The following MAP7 variants were observed in gnomAD, a reference collection of about 807,000 sequenced individuals.
MAP7 encodes the protein microtubule associated protein 7, also known as ensconsin.
A neutral mutation model predicts 94.8 loss-of-function variants in MAP7; 52 were observed. That is an observed-to-expected ratio of 0.55 (90% CI 0.44 to 0.69). The LOEUF (loss-of-function observed/expected upper bound fraction) is 0.69. Ranked by LOEUF, MAP7 falls within the 30% of genes least tolerant of loss-of-function variation. MAP7 has a pLI of 0.00. For missense variants in MAP7, 940 were observed against 964.6 expected (o/e 0.97, Z 0.34); for synonymous variants, 350 against 357.0 (o/e 0.98, Z 0.22).
intron 3 of MAP7, among the ~76,000 whole-genome samples, chr6:136,411,088 T>C (rs1787297820): frequency 6.6e-6 from 1 of 152,224 alleles, no homozygotes; most frequent in Non-Finnish European, 1.5e-5. Context: ...TCTCAGCTTC[T>C]GCTAAGATAG....
chr6:136,497,218 T>C (rs1278614976), intron 1 of MAP7, among the ~76,000 whole-genome samples: 3 of 151,984 alleles, frequency 2.0e-5, no homozygotes, highest in Admixed American at 2.0e-4. Flanking sequence ...GACTGGCTTA[T>C]TTAGGAACCC....
intron 1 of MAP7, among the ~76,000 whole-genome samples, chr6:136,433,134 GA>G (rs200659474): frequency 1.3e-5 from 2 of 151,736 alleles, no homozygotes; most frequent in Non-Finnish European, 2.9e-5. Context: ...CTTCCTTTCT[GA>G]AAAAAAACTA....
chr6:136,413,749 A>C (rs1326437659), intron 2 of MAP7, among the ~76,000 whole-genome samples: 1 of 152,064 alleles, frequency 6.6e-6, no homozygotes, highest in African/African-American at 2.4e-5. Context: ...AGTAGCTGAA[A>C]CCACAGGTGG....
chr6:136,393,435 G>A (rs1021689571), intron 3 of MAP7, among the ~76,000 whole-genome samples: 1 of 152,172 alleles, frequency 6.6e-6, no homozygotes, highest in Admixed American at 6.5e-5. Flanking sequence ...CTCGTATTTA[G>A]AGGTGCTAAT....
chr6:136,489,530 T>C (rs1815896403), intron 1 of MAP7, among the ~76,000 whole-genome samples: 1 of 137,160 alleles, frequency 7.3e-6, no homozygotes, highest in Non-Finnish European at 1.5e-5. Context: ...AGGTTTCTTT[T>C]TTTTTTTTTT....
rs763052585 is a variant in MAP7 at position 136,363,437 on chromosome 6, C to G, written c.1274-735G>C. On this transcript the variant is annotated intron_variant, in intron 10 of 17. Coordinates refer to ENST00000354570, the MANE Select transcript of MAP7 (RefSeq NM_003980.6). ...TGGCCCCTGGCTGCTCCAGCCCCTCCTTTTGAGAGTCACATTTCTACTTCT... is the reference window on the plus strand; with the variant it reads ...TGGCCCCTGGCTGCTCCAGCCCCTCGTTTTGAGAGTCACATTTCTACTTCT... Among the ~76,000 whole-genome samples, 73 of 152,258 alleles carry G rather than the reference C, an allele frequency of 4.8e-4. 1 individual carries two copies. Among genetic ancestry groups the G allele is most frequent in the Non-Finnish European group, 2.5e-4 (17 of 68,050 alleles).
At chr6:136,440,000 A>G (rs1457343217) in intron 1 of MAP7, among the ~76,000 whole-genome samples, 1 of 152,214 alleles carries the variant, frequency 6.6e-6, no homozygotes, top group Non-Finnish European at 1.5e-5. Context: ...TCAGTTTATT[A>G]CAATGAGCTG....
intron 2 of MAP7, 146 bp downstream of exon 2, chr6:136,421,555 G>T: frequency 1.5e-6 from 1 of 645,404 alleles, no homozygotes; most frequent in East Asian, 2.9e-5. Context: ...GTGTGTGTTT[G>T]GTGGCAGGAC....
intron 5 of MAP7, among the ~76,000 whole-genome samples, chr6:136,385,651 T>C (rs899520855): frequency 1.3e-5 from 2 of 152,210 alleles, no homozygotes; most frequent in Admixed American, 6.5e-5. Flanking sequence ...CTGCCATAAA[T>C]TGTTAAAATT....
chr6:136,354,583 C>T (rs1487211900), intron 16 of MAP7, among the ~76,000 whole-genome samples: 3 of 151,266 alleles, frequency 2.0e-5, no homozygotes, highest in African/African-American at 7.3e-5. Flanking sequence ...GTCTGATGCT[C>T]ATCTGGACCT....
intron 1 of MAP7, among the ~76,000 whole-genome samples, chr6:136,537,058 C>A (rs1309896880): frequency 6.6e-6 from 1 of 152,154 alleles, no homozygotes; most frequent in Non-Finnish European, 1.5e-5. Flanking sequence ...AGTCCTGCAA[C>A]ACTCTCACAA....
intron 1 of MAP7, among the ~76,000 whole-genome samples, chr6:136,469,134 C>T (rs1164969175): frequency 6.6e-6 from 1 of 152,096 alleles, no homozygotes; most frequent in Non-Finnish European, 1.5e-5. Flanking sequence ...GCAGTGGGTA[C>T]TATCAATTAT....
chr6:136,512,125 A>G (rs541314228), intron 1 of MAP7, among the ~76,000 whole-genome samples: 2 of 152,362 alleles, frequency 1.3e-5, no homozygotes, highest in South Asian at 4.1e-4. Flanking sequence ...GCTAGATTCA[A>G]AACAAAGTCC....
At chr6:136,526,596 C>T in intron 1 of MAP7, 1 of 985,480 alleles carries the variant, frequency 1.0e-6, no homozygotes, top group Non-Finnish European at 1.2e-6. Flanking sequence ...AACTCACCAG[C>T]AGAGGGTTAC....
chr6:136,541,329 A>G (rs944260036), intron 1 of MAP7, among the ~76,000 whole-genome samples: 1 of 152,218 alleles, frequency 6.6e-6, no homozygotes, highest in Admixed American at 6.5e-5. Context: ...CTGATCCTAG[A>G]GAACTTTTCT....
At chr6:136,456,822 G>GAAGGAGGAAGAA (rs1554259490) in intron 1 of MAP7, among the ~76,000 whole-genome samples, 1 of 69,024 alleles carries the variant, frequency 1.4e-5, no homozygotes, top group Non-Finnish European at 2.6e-5. Flanking sequence ...AGAAGAAGAA[G>GAAGGAGGAAGAA]GAAGAAGAAG....
intron 1 of MAP7, chr6:136,525,961 G>A (rs1827708502): frequency 2.0e-6 from 3 of 1,496,670 alleles, no homozygotes; most frequent in Non-Finnish European, 2.6e-6. Flanking sequence ...GCTGATCCAG[G>A]CATACCGCTG....
chr6:136,548,105 C>T (rs1322963392), intron 1 of MAP7, among the ~76,000 whole-genome samples: 2 of 129,702 alleles, frequency 1.5e-5, no homozygotes, highest in Non-Finnish European at 3.3e-5. Flanking sequence ...CCACCCCCCC[C>T]CACCCCCCCA....
At chr6:136,423,895 C>G (rs1307024249) in intron 1 of MAP7, among the ~76,000 whole-genome samples, 2 of 151,564 alleles carry the variant, frequency 1.3e-5, no homozygotes, top group East Asian at 3.9e-4. Context: ...CTCCCGGGTT[C>G]AAGCAGTTCT....
Sources: allele counts gnomAD v4.1 joint callset (sites outside exome capture counted in the v4.1 genomes callset), GRCh38; gene constraint gnomAD v4.1.1; transcripts MANE v1.5; gene names NCBI Gene and HGNC (gene_info 2026-07-23, HGNC 2026-07-21).